Variants in CCDC107 observed in about 807,000 individuals in gnomAD.
CCDC107 encodes the protein coiled-coil domain containing 107.
A neutral mutation model predicts 17.9 loss-of-function variants in CCDC107; 17 were observed. That is an observed-to-expected ratio of 0.95 (90% confidence interval 0.65 to 1.42). The LOEUF is 1.42. Ranked by LOEUF, CCDC107 falls within the 40% of genes most tolerant of loss-of-function variation. The pLI, the probability that CCDC107 is intolerant of heterozygous loss-of-function variation, is 0.00. For missense variants in CCDC107, 388 were observed against 360.1 expected (o/e 1.08, Z -0.63); for synonymous variants, 170 against 157.2 (o/e 1.08, Z -0.61).
Position 35,660,901 on chromosome 9 carries a change from T to C in CCDC107, c.566T>C (p.Val189Ala). The C allele has an allele frequency of 6.2e-7, 1 of 1,614,060 alleles. No homozygotes were observed. Among genetic ancestry groups the C allele is most frequent in the South Asian group, 1.1e-5 (1 of 91,076 alleles). Residue 189 changes from valine (V) to alanine (A), a missense_variant, in exon 5 of 5, where the codon GTC becomes GCC. Transcript: ENST00000426546. The part of the protein sequence containing the change: ...GGESAGGGDK[V>A]SETGTFLISP... ...GAGTCTGCTGGAGGTGGAGACAAAG[T>C]CTCTGAAACTGGAACATTCCTGATC...
chr9:35,661,261 G>A lies in CCDC107; in HGVS notation c.*74G>A. 1 of 1,100,370 alleles carries A rather than the reference G, an allele frequency of 9.1e-7. No homozygotes were observed. Among genetic ancestry groups the A allele is most frequent in the Non-Finnish European group, 1.3e-6 (1 of 763,666 alleles). 68.2% of individuals were successfully genotyped at this position (1,100,370 alleles called of 1,614,324 possible). On this transcript the variant is annotated 3_prime_UTR_variant, in exon 5 of 5. Coordinates refer to ENST00000426546, the MANE Select transcript of CCDC107 (RefSeq NM_174923.3). ...ATACTAGGTGCCTAAGGACAACTGG[G>A]CCTTCTTGAAGAGCTGTCCTTATTA...
chr9:35,661,060 C>G lies in CCDC107; in HGVS notation c.725C>G (p.Ser242Cys), dbSNP rs10441685. 0.032 allele frequency: 51,072 copies of G among 1,614,066 alleles called. 1,606 individuals carry two copies. The highest frequency in any genetic ancestry group is 0.17 in the African/African-American group (12,424 of 74,992). Residue 242 changes from serine to cysteine, a missense_variant, in exon 5 of 5, where the codon TCC (serine) becomes TGC (cysteine). Physicochemically the swap from Ser to Cys is moderately radical, Grantham distance 112. Transcript: ENST00000426546. The stretch of plus-strand genomic sequence containing the variant: ...ACAGAGACATGGAACCTAGCTACTT[C>G]CTGGGAGGTGGGGCGGGGACTACGG... Reference protein sequence around the residue: ...WSTETWNLATSWEVGRGLRRR... With the variant: ...WSTETWNLATCWEVGRGLRRR...
Position 35,661,283 on chromosome 9 carries a change from A to G in CCDC107, c.*96A>G. The G allele has an allele frequency of 1.2e-6, 1 of 842,054 alleles. No individual in the cohort carries two copies. Among genetic ancestry groups the G allele is most frequent in the Non-Finnish European group, 1.8e-6 (1 of 542,276 alleles). The allele number at this position is 842,054 out of a possible 1,614,324, so 52.2% of individuals were successfully genotyped here. ...TGGGCCTTCTTGAAGAGCTGTCCTT[A>G]TTAGGACAAAAAGAGGCTGCCTTCC... On this transcript the variant is annotated 3_prime_UTR_variant, in exon 5 of 5. Transcript: ENST00000426546.
rs756579859 is a variant in CCDC107 at position 35,658,559 on chromosome 9, G to A, written c.107-17G>A. On this transcript the variant is annotated splice_polypyrimidine_tract_variant and intron_variant, in intron 1 of 4. Transcript: ENST00000426546. ...AGGCCCCAGCTCGGCTGACTCGCCT[G>A]TATCCTCCCTCCGCAGGGAACGCAG... is the stretch of plus-strand genomic sequence containing the variant. 1.0e-4 allele frequency: 164 copies of A among 1,570,270 alleles called. No individual in the cohort carries two copies. Among genetic ancestry groups the A allele is most frequent in the Non-Finnish European group, 1.4e-4 (163 of 1,166,316 alleles).
rs774688219 is a variant in CCDC107, at chr9:35,661,143, G to C, written c.808G>C (p.Gly270Arg). 139 of 1,611,338 alleles carry C rather than the reference G, an allele frequency of 8.6e-5. No individual in the cohort carries two copies. Among genetic ancestry groups the C allele is most frequent in the Non-Finnish European group, 1.1e-4 (134 of 1,178,152 alleles). ...CAGTCACAGCCTTGGCTGGGAAGGA[G>C]GGACGACAGCTGAAGGTCGACTAAA... is the stretch of plus-strand genomic sequence containing the variant. ...GPSHSLGWEG[G>R]TTAEGRLKQS... Residue 270 changes from glycine (G) to arginine (R), a missense_variant, in exon 5 of 5, where the codon GGG becomes CGG. Physicochemically the swap from Gly to Arg is moderately radical, Grantham distance 125. Transcript: ENST00000426546.
rs565195727 is a variant in CCDC107 at position 35,660,829 on chromosome 9, C to G, written c.494C>G (p.Pro165Arg). Residue 165 changes from proline (P) to arginine (R), a missense_variant, in exon 5 of 5, where the codon CCG (proline) becomes CGG (arginine). By Grantham distance (103) the Pro-to-Arg change is moderately radical. Transcript: ENST00000426546. ...CACGAGCTGCTGCAAGATAGCAAGC[C>G]GGACAAGGATATGGAGGCTTCAGAA... ...TIHELLQDSK[P>R]DKDMEASEPG... 6.2e-7 allele frequency: 1 copy of G among 1,614,112 alleles called. No homozygotes were observed.
At position 35,660,550 on chromosome 9, in the gene CCDC107, T is replaced by TCC; in HGVS notation, c.320-4_320-3dup. The stretch of plus-strand genomic sequence containing the variant: ...CACTTCTGCCCCCTTTTTTCCCTTA[T>TCC]CCCCAGAGCAACAGCTGGCCCAGTT... On this transcript the variant is annotated splice_region_variant and splice_polypyrimidine_tract_variant and intron_variant, in intron 3 of 4. Coordinates refer to ENST00000426546, the MANE Select transcript of CCDC107 (RefSeq NM_174923.3). 6.2e-7 allele frequency: 1 copy of TCC among 1,614,078 alleles called. No individual in the cohort carries two copies. The highest frequency in any genetic ancestry group is 8.5e-7 in the Non-Finnish European group (1 of 1,179,996).
Position 35,661,299 on chromosome 9 carries a change from G to T in CCDC107, c.*112G>T. 1 of 732,044 alleles carries T rather than the reference G, an allele frequency of 1.4e-6. No homozygotes were observed. The allele number at this position is 732,044 out of a possible 1,614,324, so 45.3% of individuals were successfully genotyped here. On this transcript the variant is annotated 3_prime_UTR_variant, in exon 5 of 5. Transcript: ENST00000426546. ...GCTGTCCTTATTAGGACAAAAAGAG[G>T]CTGCCTTCCAGTGTGACAGCAGAGA... is the stretch of plus-strand genomic sequence containing the variant.
At position 35,660,580 on chromosome 9, in the gene CCDC107, C is replaced by G. The variant is rs776387476; in HGVS notation, c.343C>G (p.Gln115Glu). The change falls in exon 4 of 5, where the codon CAA becomes GAA. Residue 115 changes from glutamine (Q) to glutamate (E), a missense_variant. Gln to Glu is a conservative substitution (Grantham distance 29). Transcript: ENST00000426546. ...AGAGCAACAGCTGGCCCAGTTGACA[C>G]AACAGCTGGCCCAGACAGAGCAGCA... ...QSEQQLAQLT[Q>E]QLAQTEQHLN... 25 of 1,614,052 alleles carry G rather than the reference C, an allele frequency of 1.5e-5. No individual in the cohort carries two copies. The highest frequency in any genetic ancestry group is 3.3e-4 in the Middle Eastern group (2 of 6,084).
rs771699282 is a variant in CCDC107 at position 35,658,444 on chromosome 9, T to A, written c.65T>A (p.Val22Asp). The change falls in exon 1 of 5, where the codon GTC becomes GAC. Residue 22 changes from valine to aspartate, a missense_variant. By Grantham distance (152) the Val-to-Asp change is radical. Coordinates refer to ENST00000426546, the MANE Select transcript of CCDC107 (RefSeq NM_174923.3). ...GLLLVSALSG[V>D]LGDRANPDLR... ...CTGCTTGTGTCTGCGCTGTCCGGGG[T>A]CCTAGGAGACCGCGCCAATCCCGAC... 6 of 1,473,320 alleles carry A rather than the reference T, an allele frequency of 4.1e-6. No individual in the cohort carries two copies. The highest frequency in any genetic ancestry group is 3.9e-5 in the South Asian group (3 of 76,032). 91.3% of individuals were successfully genotyped at this position (1,473,320 alleles called of 1,614,324 possible).
chr9:35,661,082 A>G lies in CCDC107; in HGVS notation c.747A>G (p.Leu249=). Residue 249 remains leucine, a synonymous_variant, in exon 5 of 5, where the codon CTA becomes CTG. Transcript: ENST00000426546. ...CTTCCTGGGAGGTGGGGCGGGGACT[A>G]CGGAGAAGGTGCAGCCAGGCTGTGG... is the stretch of plus-strand genomic sequence containing the variant. The part of the protein sequence containing the change: ...LATSWEVGRG[L]RRRCSQAVAK... 2 of 1,614,132 alleles carry G rather than the reference A, an allele frequency of 1.2e-6. No homozygotes were observed. The highest frequency in any genetic ancestry group is 1.7e-6 in the Non-Finnish European group (2 of 1,180,022).
chr9:35,658,626 C>T lies in CCDC107; in HGVS notation c.157C>T (p.Pro53Ser). ...AGCCACGGAACCCCGGCGGCGACCA[C>T]CGCTCAAGGATCAACGCGAGCGGAC... ...SGATEPRRRP[P>S]LKDQRERTRA... The change falls in exon 2 of 5, where the codon CCG (proline) becomes TCG (serine). Residue 53 changes from proline to serine, a missense_variant. Pro to Ser is a moderately conservative substitution (Grantham distance 74, BLOSUM62 -1). Coordinates refer to ENST00000426546, the MANE Select transcript of CCDC107 (RefSeq NM_174923.3). The T allele has an allele frequency of 1.3e-6, 2 of 1,572,402 alleles. No individual in the cohort carries two copies. Among genetic ancestry groups the T allele is most frequent in the Non-Finnish European group, 1.7e-6 (2 of 1,162,760 alleles).
chr9:35,658,582 C>A lies in CCDC107; in HGVS notation c.113C>A (p.Ala38Glu). ...NPDLRAHPGN[A>E]AHPGSGATEP... ...CTGTATCCTCCCTCCGCAGGGAACG[C>A]AGCCCACCCCGGCTCTGGAGCCACG... is the stretch of plus-strand genomic sequence containing the variant. The change falls in exon 2 of 5, where the codon GCA becomes GAA. Residue 38 changes from alanine to glutamate, a missense_variant. Ala to Glu is a moderately radical substitution (Grantham distance 107). Transcript: ENST00000426546. The A allele has an allele frequency of 6.3e-7, 1 of 1,582,250 alleles. No individual in the cohort carries two copies. The highest frequency in any genetic ancestry group is 8.5e-7 in the Non-Finnish European group (1 of 1,172,362).
Position 35,661,300 on chromosome 9 carries a change from C to A in CCDC107, c.*113C>A. 1.4e-6 allele frequency: 1 copy of A among 730,370 alleles called. No individual in the cohort carries two copies. The highest frequency in any genetic ancestry group is 2.2e-6 in the Non-Finnish European group (1 of 448,078). The allele number at this position is 730,370 out of a possible 1,614,324, so 45.2% of individuals were successfully genotyped here. A position where few individuals can be genotyped will look rare whatever the true frequency, so the allele number is the denominator to read the frequency against. ...CTGTCCTTATTAGGACAAAAAGAGG[C>A]TGCCTTCCAGTGTGACAGCAGAGAA... On this transcript the variant is annotated 3_prime_UTR_variant, in exon 5 of 5. Coordinates refer to ENST00000426546, the MANE Select transcript of CCDC107 (RefSeq NM_174923.3).
rs770935195 is a variant in CCDC107, at chr9:35,658,677, G to C, written c.208G>C (p.Ala70Pro). 6.4e-7 allele frequency: 1 copy of C among 1,572,054 alleles called. No individual in the cohort carries two copies. The highest frequency in any genetic ancestry group is 8.6e-7 in the Non-Finnish European group (1 of 1,165,418). Residue 70 changes from alanine (A) to proline (P), a missense_variant, in exon 2 of 5, where the codon GCG (alanine) becomes CCG (proline). Transcript: ENST00000426546. ...RTRAGSLPLG[A>P]LYTAAVAAFV... is the part of the protein sequence containing the mutation. ...CCGGGCCGGGTCGCTGCCTCTGGGG[G>C]CGCTGTACACCGCGGCCGTCGCGGC... is the stretch of plus-strand genomic sequence containing the variant.
chr9:35,660,939 G>C lies in CCDC107; in HGVS notation c.604G>C (p.Glu202Gln). ...AACATTCCTGATCTCTCCCCACACA[G>C]AGGCCAGCAGACCTCTTCCTGAGGA... The part of the protein sequence containing the change: ...TGTFLISPHT[E>Q]ASRPLPEDFC... The change falls in exon 5 of 5, where the codon GAG (glutamate) becomes CAG (glutamine). Residue 202 changes from glutamate (E) to glutamine (Q), a missense_variant. Physicochemically the swap from Glu to Gln is conservative, Grantham distance 29. Transcript: ENST00000426546. 6.2e-7 allele frequency: 1 copy of C among 1,614,214 alleles called. No homozygotes were observed. The highest frequency in any genetic ancestry group is 1.6e-4 in the Middle Eastern group (1 of 6,062).
Position 35,658,729 on chromosome 9 carries a change from T to G in CCDC107, c.258+2T>G, listed in dbSNP as rs1338577208. 1 of 1,496,530 alleles carries G rather than the reference T, an allele frequency of 6.7e-7. No homozygotes were observed. Among genetic ancestry groups the G allele is most frequent in the Admixed American group, 2.3e-5 (1 of 44,044 alleles). 92.7% of individuals were successfully genotyped at this position (1,496,530 alleles called of 1,614,324 possible). On this transcript the variant is annotated splice_donor_variant, in intron 2 of 4. Coordinates refer to ENST00000426546, the MANE Select transcript of CCDC107 (RefSeq NM_174923.3). LOFTEE classifies it high-confidence loss of function. ...TTTGTGCTGTACAAGTGTTTGCAGG[T>G]ACGGGGCGGCCGGGGGTAGGGGTGC... is the stretch of plus-strand genomic sequence containing the variant.
Position 35,661,081 on chromosome 9 carries a change from T to A in CCDC107, c.746T>A (p.Leu249Gln). Residue 249 changes from leucine to glutamine, a missense_variant, in exon 5 of 5, where the codon CTA becomes CAA. Transcript: ENST00000426546. ...ACTTCCTGGGAGGTGGGGCGGGGAC[T>A]ACGGAGAAGGTGCAGCCAGGCTGTG... ...LATSWEVGRG[L>Q]RRRCSQAVAK... 1 of 1,614,096 alleles carries A rather than the reference T, an allele frequency of 6.2e-7. No individual in the cohort carries two copies. The highest frequency in any genetic ancestry group is 8.5e-7 in the Non-Finnish European group (1 of 1,180,010).
At chr9:35,658,809 T>G in intron 2 of CCDC107, 82 bp downstream of exon 2, 1 of 811,042 alleles carries the variant, frequency 1.2e-6, no homozygotes. Flanking sequence ...GAATCTCCCA[T>G]GGGGGTGCCA....
Sources: allele counts gnomAD v4.1 joint callset, GRCh38; gene constraint gnomAD v4.1.1; transcripts MANE v1.5; gene names NCBI Gene and HGNC (gene_info 2026-07-23, HGNC 2026-07-21).